Variants in TET2 observed in about 807,000 individuals in gnomAD.
TET2 encodes the protein methylcytosine dioxygenase TET2.
TET2 carries 299 observed loss-of-function variants against 142.9 expected under a neutral mutation model. That is an observed-to-expected ratio of 2.09 (90% CI 1.90 to 2.30). The LOEUF (loss-of-function observed/expected upper bound fraction) is 2.30. Ranked by LOEUF, TET2 falls within the 30% of genes most tolerant of loss-of-function variation. The pLI is 0.00. For missense variants in TET2, 2,418 were observed against 2,378.0 expected (o/e 1.02, Z -0.35); for synonymous variants, 819 against 849.0 (o/e 0.96, Z 0.61).
chr4:105,276,164 C>T lies in TET2; in HGVS notation c.5654C>T (p.Pro1885Leu), dbSNP rs2110316010. ...CAKRELHATT[P>L]LKNPNRNHPT... ...AAGCGTGAGCTGCATGCCACAACCC[C>T]TTTAAAGAATCCCAATAGGAATCAC... is the stretch of plus-strand genomic sequence containing the variant. Residue 1885 changes from proline (P) to leucine (L), a missense_variant, in exon 11 of 11, where the codon CCT becomes CTT. Physicochemically the swap from Pro to Leu is moderately conservative, Grantham distance 98. Coordinates refer to ENST00000380013, the MANE Select transcript of TET2 (RefSeq NM_001127208.3). The T allele has an allele frequency of 6.4e-7, 1 of 1,551,618 alleles. No individual in the cohort carries two copies. The highest frequency in any genetic ancestry group is 8.7e-7 in the Non-Finnish European group (1 of 1,146,982).
chr4:105,232,175 T>A (rs1394963952), intron 2 of TET2, among the ~76,000 whole-genome samples: 9 of 152,174 alleles, frequency 5.9e-5, no homozygotes, highest in Admixed American at 1.3e-4. Context: ...GCTCCATCCA[T>A]GTTGCTGCAC....
chr4:105,270,499 T>A (rs1730899189), intron 9 of TET2, among the ~76,000 whole-genome samples: 1 of 152,086 alleles, frequency 6.6e-6, no homozygotes, highest in Admixed American at 6.5e-5. Flanking sequence ...GAGAGAAGCA[T>A]ATTCACCTTA....
At position 105,275,987 on chromosome 4, in the gene TET2, A is replaced by G; in HGVS notation, c.5477A>G (p.Glu1826Gly). The change falls in exon 11 of 11, where the codon GAA becomes GGA. Residue 1826 changes from glutamate to glycine, a missense_variant. Transcript: ENST00000380013. Reference protein sequence around the residue: ...LHKLSDANGQEKQPLALVQGV... With the variant: ...LHKLSDANGQGKQPLALVQGV... Reference sequence around the variant, plus strand: ...AAATTAAGTGATGCTAATGGTCAGGAAAAGCAGCCATTGGCACTAGTCCAG... The same window carrying G: ...AAATTAAGTGATGCTAATGGTCAGGGAAAGCAGCCATTGGCACTAGTCCAG... The G allele has an allele frequency of 6.4e-7, 1 of 1,551,698 alleles. No homozygotes were observed. The highest frequency in any genetic ancestry group is 2.0e-5 in the Admixed American group (1 of 51,002).
intron 2 of TET2, among the ~76,000 whole-genome samples, chr4:105,220,026 G>A (rs959601351): frequency 6.6e-6 from 1 of 152,110 alleles, no homozygotes; most frequent in African/African-American, 2.4e-5. Flanking sequence ...GTTCAGTGGT[G>A]TGTTACTGGT....
intron 3 of TET2, chr4:105,241,102 T>C: frequency 9.1e-7 from 1 of 1,101,870 alleles, no homozygotes. Context: ...AATAATTTTT[T>C]ATCCCATATC....
chr4:105,239,083 T>TTTG (rs1553914887), intron 3 of TET2: 1 of 236,026 alleles, frequency 4.2e-6, no homozygotes, highest in Non-Finnish European at 8.9e-6. Flanking sequence ...TGTTTTTTTT[T>TTTG]TTTGTTTTTT....
chr4:105,155,623 C>T (rs1723528281), intron 1 of TET2, among the ~76,000 whole-genome samples: 1 of 152,200 alleles, frequency 6.6e-6, no homozygotes, highest in South Asian at 2.1e-4. Context: ...CAATGCTTCT[C>T]TCCCTTTTTA....
intron 5 of TET2, among the ~76,000 whole-genome samples, chr4:105,243,311 G>A (rs1029312897): frequency 6.6e-6 from 1 of 152,012 alleles, no homozygotes; most frequent in Non-Finnish European, 1.5e-5. Flanking sequence ...GCATTTAATT[G>A]TCCCCACTGT....
At chr4:105,272,389 T>A (rs990872498) in intron 9 of TET2, among the ~76,000 whole-genome samples, 175 bp from the exon 10 acceptor site, 2 of 152,178 alleles carry the variant, frequency 1.3e-5, no homozygotes, top group Admixed American at 6.5e-5. Context: ...ACCATTTTGT[T>A]GCTATTTTCA....
At chr4:105,249,773 TAG>T (rs1729774078) in intron 6 of TET2, among the ~76,000 whole-genome samples, 1 of 152,238 alleles carries the variant, frequency 6.6e-6, no homozygotes, top group Non-Finnish European at 1.5e-5. Context: ...GTATTATTTT[TAG>T]AGTTGTAAGA....
chr4:105,174,073 T>C (rs1394966321), intron 1 of TET2, among the ~76,000 whole-genome samples: 1 of 152,214 alleles, frequency 6.6e-6, no homozygotes, highest in African/African-American at 2.4e-5. Context: ...GCTAATTATA[T>C]TTCTACCCAA....
At chr4:105,211,102 A>G (rs1193161723) in intron 2 of TET2, among the ~76,000 whole-genome samples, 1 of 152,176 alleles carries the variant, frequency 6.6e-6, no homozygotes, top group Non-Finnish European at 1.5e-5. Flanking sequence ...CAGCTATATC[A>G]TGCTAATTTA....
intron 2 of TET2, 50 bp from the exon 3 acceptor site, chr4:105,233,847 T>A: frequency 1.1e-6 from 1 of 924,578 alleles, no homozygotes; most frequent in Non-Finnish European, 1.6e-6. Context: ...GATAGATAGA[T>A]AGATAGATAG....
chr4:105,275,493 T>A lies in TET2; in HGVS notation c.4983T>A (p.Tyr1661Ter). The A allele has an allele frequency of 6.4e-7, 1 of 1,551,700 alleles. No individual in the cohort carries two copies. Among genetic ancestry groups the A allele is most frequent in the Non-Finnish European group, 8.7e-7 (1 of 1,146,986 alleles). The change falls in exon 11 of 11, where the codon TAT (tyrosine) becomes TAA (stop). Residue 1661 changes from tyrosine (Y) to a stop codon, truncating the protein, a stop_gained. Transcript: ENST00000380013. LOFTEE classifies it low-confidence loss of function (END_TRUNC). ...PQSQPMDLYR[Y>*]PSQDPLSKLS... is the part of the protein sequence containing the mutation. ...CTCAGCCGATGGATCTGTATAGGTA[T>A]CCAAGCCAAGACCCTCTGTCTAAGC...
rs549938973 is a variant in TET2, at chr4:105,154,299, C to T, written c.-193+7320C>T. On this transcript the variant is annotated intron_variant, in intron 1 of 10. Transcript: ENST00000380013. ...TGTATGTGAATTATATTTCAAAAAGCTGTTGTTATAAAAATGAATGTAGTT... is the reference window on the plus strand; with the variant it reads ...TGTATGTGAATTATATTTCAAAAAGTTGTTGTTATAAAAATGAATGTAGTT... Among the ~76,000 whole-genome samples, 23 of 152,284 alleles carry T rather than the reference C, an allele frequency of 1.5e-4. No homozygotes were observed. In the South Asian group the frequency reaches 4.6e-3, roughly 30 times the overall value.
At position 105,277,637 on chromosome 4, in the gene TET2, A is replaced by T. The variant is rs1009831134; in HGVS notation, c.*1118A>T. The T allele has an allele frequency of 8.7e-6, 2 of 229,360 alleles. No homozygotes were observed. The highest frequency in any genetic ancestry group is 1.7e-5 in the Non-Finnish European group (2 of 115,748). 14.2% of individuals were successfully genotyped at this position (229,360 alleles called of 1,614,324 possible). On this transcript the variant is annotated 3_prime_UTR_variant, in exon 11 of 11. Coordinates refer to ENST00000380013, the MANE Select transcript of TET2 (RefSeq NM_001127208.3). Reference sequence around the variant, plus strand: ...ATCCACCATGGGGCTTACTGGATTCAAGGGAATACGTTAGTCCACAAAACA... The same window carrying T: ...ATCCACCATGGGGCTTACTGGATTCTAGGGAATACGTTAGTCCACAAAACA...
intron 2 of TET2, among the ~76,000 whole-genome samples, chr4:105,200,692 C>T (rs936510158): frequency 1.3e-5 from 2 of 151,504 alleles, no homozygotes; most frequent in Non-Finnish European, 2.9e-5. Context: ...GATGGAGTCT[C>T]ACGCTGTCAC....
chr4:105,248,013 C>T (rs924185413), intron 6 of TET2, among the ~76,000 whole-genome samples: 15 of 152,248 alleles, frequency 9.9e-5, no homozygotes, highest in Middle Eastern at 3.4e-3. Flanking sequence ...TGAGCTATCA[C>T]GCCCAGCTGA....
intron 1 of TET2, among the ~76,000 whole-genome samples, chr4:105,159,757 T>C (rs1399053011): frequency 6.6e-6 from 1 of 152,208 alleles, no homozygotes; most frequent in Non-Finnish European, 1.5e-5. Flanking sequence ...GGCTCACGCC[T>C]GTAATCCCGG....
Sources: gnomAD v4.1 joint callset for allele counts (sites outside exome capture counted in the v4.1 genomes callset) on GRCh38, gnomAD v4.1.1 for gene constraint, MANE v1.5 for transcripts, NCBI Gene and HGNC (gene_info 2026-07-23, HGNC 2026-07-21) for gene names.